The following CDYL variants were observed in gnomAD, a reference collection of about 807,000 sequenced individuals.
The protein encoded by CDYL is chromodomain Y-like protein.
A neutral mutation model predicts 47.3 loss-of-function variants in CDYL; 8 were observed. The observed-to-expected ratio is 0.17, with a 90% CI of 0.10 to 0.31. The LOEUF (loss-of-function observed/expected upper bound fraction) is 0.31. Among genes scored for constraint, CDYL ranks in the 10% least tolerant of loss-of-function variants. The pLI, the probability that CDYL is intolerant of heterozygous loss-of-function variation, is 1.00. For missense variants in CDYL, 471 were observed against 701.4 expected (o/e 0.67, Z 3.71); for synonymous variants, 266 against 265.0 (o/e 1.00, Z -0.04).
chr6:4,852,030 C>G (rs1478650633), intron 1 of CDYL, among the ~76,000 whole-genome samples: 1 of 152,182 alleles, frequency 6.6e-6, no homozygotes, highest in East Asian at 1.9e-4. Flanking sequence ...ATTTATTTCT[C>G]TTTCCCTTGC....
At chr6:4,837,209 C>G (rs937338540) in intron 1 of CDYL, among the ~76,000 whole-genome samples, 9 of 152,182 alleles carry the variant, frequency 5.9e-5, no homozygotes, top group Middle Eastern at 6.3e-3. Flanking sequence ...TGTGTACATT[C>G]CTCACAGTGT....
intron 3 of CDYL, among the ~76,000 whole-genome samples, chr6:4,764,012 AAAAG>A (rs1758215248): frequency 6.6e-6 from 1 of 152,180 alleles, no homozygotes; most frequent in Non-Finnish European, 1.5e-5. Context: ...GAAGGAAAGA[AAAAG>A]AAACAGAACA....
At chr6:4,899,641 T>C (rs754366485) in intron 2 of CDYL, among the ~76,000 whole-genome samples, 24 of 152,220 alleles carry the variant, frequency 1.6e-4, no homozygotes, top group Admixed American at 3.3e-4. Context: ...TGGGAATACC[T>C]TTACAGACAG....
intron 3 of CDYL, among the ~76,000 whole-genome samples, chr6:4,748,665 A>ACACACACG (rs1359782353): frequency 6.6e-6 from 1 of 151,662 alleles, no homozygotes; most frequent in Non-Finnish European, 1.5e-5. Context: ...AGACACACAC[A>ACACACACG]CACACACACA....
At chr6:4,939,507 T>TC (rs1395200926) in intron 4 of CDYL, among the ~76,000 whole-genome samples, 2 of 152,242 alleles carry the variant, frequency 1.3e-5, no homozygotes, top group Non-Finnish European at 2.9e-5. Context: ...TAGGAGGTTA[T>TC]CCCTTAATCT....
chr6:4,889,413 C>T (rs1209330509), intron 1 of CDYL, among the ~76,000 whole-genome samples: 3 of 151,916 alleles, frequency 2.0e-5, no homozygotes, highest in Non-Finnish European at 4.4e-5. Context: ...TTAGTAGAGA[C>T]GGGGTTTCAC....
chr6:4,759,062 G>A (rs907110905), intron 3 of CDYL, among the ~76,000 whole-genome samples: 4 of 147,554 alleles, frequency 2.7e-5, no homozygotes, highest in Admixed American at 6.9e-5. Flanking sequence ...CTGCCTCCCC[G>A]GGTTCACGCC....
chr6:4,716,585 C>T (rs1757268308), intron 2 of CDYL, among the ~76,000 whole-genome samples: 2 of 141,612 alleles, frequency 1.4e-5, no homozygotes, highest in African/African-American at 2.7e-5. Context: ...TCAGAGAAGG[C>T]AGCAATAATT....
intron 2 of CDYL, chr6:4,724,651 C>G (rs947327977): frequency 6.6e-6 from 1 of 152,404 alleles, no homozygotes; most frequent in Non-Finnish European, 1.5e-5. Flanking sequence ...AAAAGTGAAG[C>G]TGCAGACCTT....
intron 1 of CDYL, among the ~76,000 whole-genome samples, chr6:4,709,962 T>C (rs952337794): frequency 1.3e-5 from 2 of 152,150 alleles, no homozygotes; most frequent in African/African-American, 4.8e-5. Flanking sequence ...GGCTCATGCC[T>C]GTAATCTCAG....
intron 1 of CDYL, among the ~76,000 whole-genome samples, chr6:4,709,653 C>T (rs1055848778): frequency 6.6e-6 from 1 of 152,162 alleles, no homozygotes; most frequent in Non-Finnish European, 1.5e-5. Flanking sequence ...AAGAGGGAAC[C>T]TCTGTCTCTC....
intron 2 of CDYL, 134 bp downstream of exon 2, chr6:4,892,513 C>T: frequency 2.1e-6 from 2 of 933,312 alleles, no homozygotes; most frequent in South Asian, 1.8e-5. Flanking sequence ...AGAGATTTCG[C>T]CTTCTCCTTT....
At chr6:4,726,807 C>G (rs968216017) in intron 2 of CDYL, among the ~76,000 whole-genome samples, 1 of 152,052 alleles carries the variant, frequency 6.6e-6, no homozygotes. Flanking sequence ...CAGCTAATGT[C>G]TCATGAAAAG....
chr6:4,910,847 T>TC (rs750038017), intron 2 of CDYL, among the ~76,000 whole-genome samples: 47 of 150,166 alleles, frequency 3.1e-4, no homozygotes, highest in East Asian at 1.4e-3. Context: ...TTTTTTTTTT[T>TC]CCCCAAGACG....
At chr6:4,759,444 A>G (rs531527232) in intron 3 of CDYL, among the ~76,000 whole-genome samples, 27 of 152,322 alleles carry the variant, frequency 1.8e-4, no homozygotes, top group African/African-American at 5.8e-4. Flanking sequence ...GGCCCACATA[A>G]TATTTTACTA....
At chr6:4,900,467 C>T (rs775547751) in intron 2 of CDYL, among the ~76,000 whole-genome samples, 1 of 151,950 alleles carries the variant, frequency 6.6e-6, no homozygotes, top group Non-Finnish European at 1.5e-5. Context: ...TATGCATATA[C>T]ATTTTTTTCC....
rs148628772 is a variant in CDYL, at chr6:4,856,112, C to T, written c.25-35601C>T. 2.6e-5 allele frequency among the ~76,000 whole-genome samples: 4 copies of T among 152,288 alleles called. No homozygotes were observed. The East Asian group carries it at 7.7e-4, about 29-fold the overall frequency. The stretch of plus-strand genomic sequence containing the variant: ...ATGTGCCTCCTTTGTGGTCACAGCA[C>T]AGGTATCTAAAAACACCAGGGTATA... On this transcript the variant is annotated intron_variant, in intron 1 of 6. Coordinates refer to ENST00000397588, the MANE Select transcript of CDYL (RefSeq NM_004824.4).
intron 1 of CDYL, among the ~76,000 whole-genome samples, chr6:4,858,962 T>C (rs1159919763): frequency 6.6e-6 from 1 of 152,238 alleles, no homozygotes; most frequent in Admixed American, 6.5e-5. Context: ...AAATGTCAGC[T>C]ACCTGCAGGG....
At chr6:4,759,934 AAG>A (rs1758147629) in intron 3 of CDYL, among the ~76,000 whole-genome samples, 1 of 113,084 alleles carries the variant, frequency 8.8e-6, no homozygotes, top group Admixed American at 9.1e-5. Context: ...AAGAAGAAGA[AAG>A]AAAAGAAAAG....
Sources: gnomAD v4.1 joint callset for allele counts (sites outside exome capture counted in the v4.1 genomes callset) on GRCh38, gnomAD v4.1.1 for gene constraint, MANE v1.5 for transcripts, NCBI Gene and HGNC (gene_info 2026-07-23, HGNC 2026-07-21) for gene names.